The following NF2 variants were observed in gnomAD, a reference collection of about 807,000 sequenced individuals.
The protein encoded by NF2 is merlin.
NF2 carries 8 observed loss-of-function variants against 83.7 expected under a neutral mutation model. The observed-to-expected ratio is 0.10, with a 90% confidence interval of 0.06 to 0.17. The LOEUF (loss-of-function observed/expected upper bound fraction) is 0.17, where lower values mean the gene tolerates loss of function less well. Ranked by LOEUF, NF2 falls within the 10% of genes least tolerant of loss-of-function variation. The pLI is 1.00. For synonymous variants in NF2, 266 were observed against 269.6 expected (o/e 0.99, Z 0.13); for missense variants, 533 against 744.4 (o/e 0.72, Z 3.31).
intron 15 of NF2, among the ~76,000 whole-genome samples, chr22:29,685,630 C>T (rs2147139381): frequency 6.6e-6 from 1 of 152,206 alleles, no homozygotes; most frequent in East Asian, 1.9e-4. Flanking sequence ...AGGCTGGTCT[C>T]GAACTCCTGA....
chr22:29,644,192 TCAC>T (rs1364188748), intron 4 of NF2, among the ~76,000 whole-genome samples: 49 of 146,150 alleles, frequency 3.4e-4, no homozygotes, highest in Admixed American at 7.5e-4. Flanking sequence ...GAGGGTCTCC[TCAC>T]TTCTCAGACG....
In NF2 at chr22:29,689,710, TC is replaced by T. The variant is rs769983816; in HGVS notation, c.1738-5038del. ...ATCCTGGTGCTCTGATTAGTTTTGT[TC>T]CCCAGCTTAATTGTACAGCTTCCTT... is the stretch of plus-strand genomic sequence containing the variant. On this transcript the variant is annotated intron_variant, in intron 15 of 15. Coordinates refer to ENST00000338641, the MANE Select transcript of NF2 (RefSeq NM_000268.4). Among the ~76,000 whole-genome samples, 223 of 152,242 alleles carry T rather than the reference TC, an allele frequency of 1.5e-3. 4 individuals carry two copies. The highest frequency in any genetic ancestry group is 1.8e-3 in the Non-Finnish European group (121 of 68,026).
intron 1 of NF2, among the ~76,000 whole-genome samples, chr22:29,607,627 A>C (rs2064833110): frequency 6.6e-6 from 1 of 152,226 alleles, no homozygotes; most frequent in Admixed American, 6.6e-5. Flanking sequence ...ACAAAGAAAC[A>C]GGAAAATATG....
At position 29,603,981 on chromosome 22, in the gene NF2, G is replaced by A. The variant is rs201591536; in HGVS notation, c.-18G>A. 309 of 1,554,778 alleles carry A rather than the reference G, an allele frequency of 2.0e-4. 3 individuals carry two copies. In the East Asian group the frequency reaches 5.7e-3, roughly 29 times the overall value. Reference sequence around the variant, plus strand: ...GCAGGCCGTGGGGCGCGAGGGTCCCGGGCCTGAGCCCCGCGCCATGGCCGG... The same window carrying A: ...GCAGGCCGTGGGGCGCGAGGGTCCCAGGCCTGAGCCCCGCGCCATGGCCGG... On this transcript the variant is annotated 5_prime_UTR_variant, in exon 1 of 16. Transcript: ENST00000338641.
chr22:29,666,900 CA>C (rs2066639985), intron 9 of NF2, among the ~76,000 whole-genome samples: 1 of 151,976 alleles, frequency 6.6e-6, no homozygotes, highest in Non-Finnish European at 1.5e-5. Flanking sequence ...CGCTTGAACC[CA>C]GGAGGTGGAG....
chr22:29,661,397 C>G (rs2066474140), intron 8 of NF2, 58 bp downstream of exon 8: 1 of 1,606,396 alleles, frequency 6.2e-7, no homozygotes, highest in East Asian at 2.2e-5. Flanking sequence ...CTGCCCCCCT[C>G]ACTGGAGCCT....
chr22:29,636,534 T>G lies in NF2; in HGVS notation c.115-217T>G, dbSNP rs1410082913. 2.6e-5 allele frequency among the ~76,000 whole-genome samples: 4 copies of G among 152,200 alleles called. No homozygotes were observed. Among genetic ancestry groups the G allele is most frequent in the Non-Finnish European group, 5.9e-5 (4 of 68,034 alleles). The stretch of plus-strand genomic sequence containing the variant: ...AAGGAACTGTCCAAGGGATGTATTG[T>G]GTATGCTTTGCAGTGATTAAGCCAT... On this transcript the variant is annotated intron_variant, in intron 1 of 15. Transcript: ENST00000338641. This position sits in a 1 kb window ranked among gnomAD's most constrained non-coding sequence, Gnocchi z 4.4.
rs1187670332 is a variant in NF2, at chr22:29,696,848, G to A, written c.*2046G>A. The A allele has an allele frequency of 1.8e-5, 3 of 166,910 alleles. No homozygotes were observed. Among genetic ancestry groups the A allele is most frequent in the Non-Finnish European group, 3.6e-5 (3 of 83,346 alleles). The allele number at this position is 166,910 out of a possible 1,614,324, so 10.3% of individuals were successfully genotyped here. On this transcript the variant is annotated 3_prime_UTR_variant, in exon 16 of 16. Transcript: ENST00000338641. ...TGTTTTTTTTTTGAGATGGAGTCTC[G>A]CTCTGTCGCCCAGGCTGGAGTGCAG...
intron 1 of NF2, among the ~76,000 whole-genome samples, chr22:29,621,777 T>C (rs1218424035): frequency 6.6e-6 from 1 of 152,222 alleles, no homozygotes; most frequent in Non-Finnish European, 1.5e-5. Flanking sequence ...TCACGCACCC[T>C]CTTGCTCTGA....
At position 29,627,266 on chromosome 22, in the gene NF2, C is replaced by T. The variant is rs925293491; in HGVS notation, c.115-9485C>T. On this transcript the variant is annotated intron_variant, in intron 1 of 15. Coordinates refer to ENST00000338641, the MANE Select transcript of NF2 (RefSeq NM_000268.4). ...AAGACCACTTGATGATTATGGAAGC[C>T]GAGACCCAAAGAGGTTAAGTGACTT... is the stretch of plus-strand genomic sequence containing the variant. Among the ~76,000 whole-genome samples, 5 of 152,200 alleles carry T rather than the reference C, an allele frequency of 3.3e-5. 1 individual carries two copies. The South Asian group carries it at 1.0e-3, about 32-fold the overall frequency.
Position 29,638,255 on chromosome 22 carries a change from A to G in NF2, c.241-835A>G, listed in dbSNP as rs1490017905. Among the ~76,000 whole-genome samples, 3 of 152,190 alleles carry G rather than the reference A, an allele frequency of 2.0e-5. No individual in the cohort carries two copies. The East Asian group carries it at 5.8e-4, about 29-fold the overall frequency. The stretch of plus-strand genomic sequence containing the variant: ...TGGGGCATCTCTGGAGGTTCCTTGA[A>G]ACAAAGGGTTGCCATGATGGACACA... On this transcript the variant is annotated intron_variant, in intron 2 of 15. Transcript: ENST00000338641.
At chr22:29,680,775 G>A (rs944304628) in intron 14 of NF2, among the ~76,000 whole-genome samples, 12 of 152,186 alleles carry the variant, frequency 7.9e-5, no homozygotes, top group East Asian at 1.9e-4. Flanking sequence ...GAAGCTGGGC[G>A]CTGTGGCTTA....
At chr22:29,647,369 G>C (rs1469216463) in intron 4 of NF2, among the ~76,000 whole-genome samples, 1 of 152,124 alleles carries the variant, frequency 6.6e-6, no homozygotes, top group Admixed American at 6.5e-5. Flanking sequence ...AGAGTGGCAA[G>C]AGTTGAGGCT....
intron 15 of NF2, 104 bp downstream of exon 15, chr22:29,681,705 C>T (rs1362455507): frequency 2.1e-6 from 3 of 1,419,178 alleles, no homozygotes; most frequent in Non-Finnish European, 3.0e-6. Context: ...AGACTATTGG[C>T]ATCTTTTGTA....
intron 1 of NF2, among the ~76,000 whole-genome samples, chr22:29,618,348 G>A (rs2065128453): frequency 6.6e-6 from 1 of 152,100 alleles, no homozygotes; most frequent in South Asian, 2.1e-4. Context: ...ACTTTATTGA[G>A]GTCAAATGTA....
chr22:29,655,779 A>T (rs2066287708), intron 6 of NF2, 103 bp downstream of exon 6: 2 of 910,276 alleles, frequency 2.2e-6, no homozygotes. Context: ...AACAAAATGC[A>T]GTACTGAAGT....
chr22:29,627,419 A>T (rs1353995643), intron 1 of NF2, among the ~76,000 whole-genome samples: 2 of 152,210 alleles, frequency 1.3e-5, no homozygotes, highest in South Asian at 2.1e-4. Flanking sequence ...TTGCTTTCAT[A>T]GCATGATGGT....
intron 9 of NF2, among the ~76,000 whole-genome samples, chr22:29,666,861 C>G (rs1326670019): frequency 2.0e-5 from 3 of 151,964 alleles, no homozygotes; most frequent in African/African-American, 7.3e-5. Flanking sequence ...CTATAAATCC[C>G]AGCTACTTAG....
intron 4 of NF2, among the ~76,000 whole-genome samples, chr22:29,646,447 A>G (rs1216240584): frequency 2.0e-5 from 3 of 152,072 alleles, no homozygotes; most frequent in Non-Finnish European, 2.9e-5. Context: ...ATATGATCAC[A>G]TTTGTCTAAG....
Sources: gnomAD v4.1 joint callset for allele counts (sites outside exome capture counted in the v4.1 genomes callset) on GRCh38, gnomAD v4.1.1 for gene constraint, Gnocchi (gnomAD v3.1) non-coding constraint, MANE v1.5 for transcripts, NCBI Gene and HGNC (gene_info 2026-07-23, HGNC 2026-07-21) for gene names.